Variants in ZNF486 observed in about 807,000 individuals in gnomAD.
ZNF486 encodes the protein zinc finger protein 486, also known as KRAB box only protein 2.
ZNF486 carries 12 observed loss-of-function variants against 12.8 expected under a neutral mutation model. That is an observed-to-expected ratio of 0.94 (90% confidence interval 0.60 to 1.52). The LOEUF (loss-of-function observed/expected upper bound fraction) is 1.52. Among genes scored for constraint, ZNF486 ranks in the 40% most tolerant of loss-of-function variants. The pLI is 0.00. For synonymous variants in ZNF486, 231 were observed against 184.9 expected, an observed-to-expected ratio of 1.25 and a Z score of -2.02; for missense variants, 738 against 545.0, an observed-to-expected ratio of 1.35 and a Z score of -3.53.
chr19:20,181,871 T>TTTAATAA (rs1555715637), intron 1 of ZNF486, among the ~76,000 whole-genome samples: 1 of 152,256 alleles, frequency 6.6e-6, no homozygotes, highest in East Asian at 1.9e-4. Flanking sequence ...AAACACTTAG[T>TTTAATAA]ACCAGCTTTC....
rs1555718266 is a variant in ZNF486 at position 20,197,662 on chromosome 19, G to A, written c.952G>A (p.Gly318Arg). 1.2e-6 allele frequency: 2 copies of A among 1,613,620 alleles called. No homozygotes were observed. The highest frequency in any genetic ancestry group is 1.7e-5 in the Admixed American group (1 of 59,966). ...TTCTTCACATAAGAAAATTCATACT[G>A]GAGAGAAACCGTACACGTGTGATAA... ...TLSSHKKIHT[G>R]EKPYTCDKCG... Residue 318 changes from glycine (G) to arginine (R), a missense_variant, in exon 4 of 4, where the codon GGA (glycine) becomes AGA (arginine). Transcript: ENST00000335117.
At chr19:20,178,276 CTG>C (rs1416036152) in intron 1 of ZNF486, among the ~76,000 whole-genome samples, 2 of 150,282 alleles carry the variant, frequency 1.3e-5, no homozygotes, top group Non-Finnish European at 3.0e-5. Context: ...AAGTCTCACT[CTG>C]TCACCCAGGC....
chr19:20,170,838 T>TGG (rs1249169195), intron 1 of ZNF486, among the ~76,000 whole-genome samples: 2 of 152,208 alleles, frequency 1.3e-5, no homozygotes, highest in Non-Finnish European at 2.9e-5. Flanking sequence ...TGTATGCATT[T>TGG]CTTCCTTTTG....
At chr19:20,173,882 G>A (rs1334452483) in intron 1 of ZNF486, among the ~76,000 whole-genome samples, 3 of 151,006 alleles carry the variant, frequency 2.0e-5, no homozygotes, top group South Asian at 2.1e-4. Flanking sequence ...CATTTCTTAA[G>A]GGATTTAGAT....
rs782089752 is a variant in ZNF486, at chr19:20,167,370, C to A, written c.30+10C>A. The stretch of plus-strand genomic sequence containing the variant: ...TAGAAGCCTAGAAATGGTGAGAGTG[C>A]CCATTGGACATCCTGAGAGAGGGGA... On this transcript the variant is annotated intron_variant, in intron 1 of 3. Coordinates refer to ENST00000335117, the MANE Select transcript of ZNF486 (RefSeq NM_052852.4). The A allele has an allele frequency of 1.2e-6, 2 of 1,612,986 alleles. No individual in the cohort carries two copies. The highest frequency in any genetic ancestry group is 4.5e-5 in the East Asian group (2 of 44,872).
intron 1 of ZNF486, among the ~76,000 whole-genome samples, chr19:20,170,044 C>G (rs1318820196): frequency 6.6e-6 from 1 of 151,648 alleles, no homozygotes; most frequent in Non-Finnish European, 1.5e-5. Context: ...GCGCCCGCCA[C>G]CACGCCCGGC....
At chr19:20,174,368 A>T (rs2089681938) in intron 1 of ZNF486, among the ~76,000 whole-genome samples, 1 of 151,650 alleles carries the variant, frequency 6.6e-6, no homozygotes, top group South Asian at 2.1e-4. Flanking sequence ...ATATACATTT[A>T]ACAGTATTTT....
chr19:20,172,231 AACCTCAGGTGATT>A (rs1417749949), intron 1 of ZNF486, among the ~76,000 whole-genome samples: 1 of 151,468 alleles, frequency 6.6e-6, no homozygotes, highest in African/African-American at 2.4e-5. Context: ...ATAAAGTTCC[AACCTCAGGTGATT>A]ACCCGGCCTC....
intron 2 of ZNF486, 49 bp from the exon 3 acceptor site, chr19:20,185,938 A>T (rs1555716340): frequency 8.0e-7 from 1 of 1,244,684 alleles, no homozygotes; most frequent in Non-Finnish European, 1.1e-6. Context: ...ACTAGCTTGT[A>T]ATTGAGAAAT....
At chr19:20,184,905 A>G (rs2089825925) in intron 2 of ZNF486, among the ~76,000 whole-genome samples, 2 of 152,124 alleles carry the variant, frequency 1.3e-5, no homozygotes, top group African/African-American at 2.4e-5. Flanking sequence ...TGAAGTTGGG[A>G]GTTTGAGACC....
intron 3 of ZNF486, among the ~76,000 whole-genome samples, chr19:20,186,688 C>T (rs1330996575): frequency 6.6e-6 from 1 of 151,486 alleles, no homozygotes; most frequent in Non-Finnish European, 1.5e-5. Flanking sequence ...AAAAATACCA[C>T]TGCAATTTTG....
Position 20,198,464 on chromosome 19 carries a change from C to G in ZNF486, c.*362C>G. 4.6e-6 allele frequency: 1 copy of G among 219,260 alleles called. No individual in the cohort carries two copies. Among genetic ancestry groups the G allele is most frequent in the Non-Finnish European group, 9.3e-6 (1 of 107,854 alleles). The allele number at this position is 219,260 out of a possible 1,614,324, so 13.6% of individuals were successfully genotyped here. ...CACATAATTCATACTGGACAGAAAC[C>G]CTACAAGTGTGAAGAATGTGGCAAG... On this transcript the variant is annotated 3_prime_UTR_variant, in exon 4 of 4. Coordinates refer to ENST00000335117, the MANE Select transcript of ZNF486 (RefSeq NM_052852.4).
chr19:20,193,057 G>A (rs2089917684), intron 3 of ZNF486, among the ~76,000 whole-genome samples: 1 of 151,126 alleles, frequency 6.6e-6, no homozygotes. Flanking sequence ...ATCTTCTTTT[G>A]CATACTTTCT....
chr19:20,197,648 A>G lies in ZNF486; in HGVS notation c.938A>G (p.Lys313Arg). ...FNHPATLSSHKKIHTGEKPYT... is the reference protein window; with the variant it reads ...FNHPATLSSHRKIHTGEKPYT... ...CATCCTGCAACTCTTTCTTCACATA[A>G]GAAAATTCATACTGGAGAGAAACCG... Residue 313 changes from lysine to arginine, a missense_variant, in exon 4 of 4, where the codon AAG becomes AGG. Transcript: ENST00000335117. 1 of 1,613,860 alleles carries G rather than the reference A, an allele frequency of 6.2e-7. No individual in the cohort carries two copies. The highest frequency in any genetic ancestry group is 8.5e-7 in the Non-Finnish European group (1 of 1,179,860).
chr19:20,180,333 G>T (rs2089770812), intron 1 of ZNF486, among the ~76,000 whole-genome samples: 1 of 152,138 alleles, frequency 6.6e-6, no homozygotes, highest in South Asian at 2.1e-4. Flanking sequence ...GACCCAAATA[G>T]ATAAACTAGT....
At chr19:20,168,967 A>G (rs2089615571) in intron 1 of ZNF486, among the ~76,000 whole-genome samples, 2 of 152,018 alleles carry the variant, frequency 1.3e-5, no homozygotes, top group South Asian at 4.1e-4. Context: ...CAGCCTCCCA[A>G]GTAGCTGGGA....
At chr19:20,169,611 A>G (rs1156262916) in intron 1 of ZNF486, among the ~76,000 whole-genome samples, 6 of 152,136 alleles carry the variant, frequency 3.9e-5, no homozygotes, top group Non-Finnish European at 8.8e-5. Flanking sequence ...TATTGTTTTG[A>G]GGCACTTTTT....
chr19:20,174,575 A>C (rs2089685192), intron 1 of ZNF486, among the ~76,000 whole-genome samples: 1 of 151,932 alleles, frequency 6.6e-6, no homozygotes, highest in South Asian at 2.1e-4. Context: ...TTTATAGTAG[A>C]GATGGTTGTC....
At chr19:20,189,465 A>G (rs1357408539) in intron 3 of ZNF486, among the ~76,000 whole-genome samples, 1 of 152,188 alleles carries the variant, frequency 6.6e-6, no homozygotes, top group Non-Finnish European at 1.5e-5. Flanking sequence ...AAGAAGCAAC[A>G]TGGGTTTCAT....
Sources: gnomAD v4.1 joint callset for allele counts (sites outside exome capture counted in the v4.1 genomes callset) on GRCh38, gnomAD v4.1.1 for gene constraint, MANE v1.5 for transcripts, NCBI Gene and HGNC (gene_info 2026-07-23, HGNC 2026-07-21) for gene names.